Variants in BASP1 observed in about 807,000 individuals in gnomAD.
BASP1 encodes the protein brain acid soluble protein 1.
BASP1 carries 1 observed loss-of-function variant against 2.2 expected under a neutral mutation model. That is an observed-to-expected ratio of 0.46 (90% CI 0.16 to 2.17). The LOEUF (loss-of-function observed/expected upper bound fraction) is 2.17. Ranked by LOEUF, BASP1 falls within the 30% of genes most tolerant of loss-of-function variation. The pLI is 0.27. For missense variants in BASP1, 352 were observed against 327.2 expected, an observed-to-expected ratio of 1.08 and a Z score of -0.58; for synonymous variants, 187 against 154.2, an observed-to-expected ratio of 1.21 and a Z score of -1.58.
In BASP1 at chr5:17,239,905, A is replaced by G. The variant is rs566177008; in HGVS notation, c.-10+22095A>G. 2.6e-5 allele frequency among the ~76,000 whole-genome samples: 4 copies of G among 152,112 alleles called. No homozygotes were observed. In the East Asian group the frequency reaches 7.7e-4, roughly 29 times the overall value. On this transcript the variant is annotated intron_variant, in intron 1 of 1. Coordinates refer to ENST00000322611, the MANE Select transcript of BASP1 (RefSeq NM_006317.5). ...AGGTGTTGCTTCTTTTCATTTGTCT[A>G]GTTTTGTAGTCAGAACTGTTTATAG...
rs1325660341 is a variant in BASP1, at chr5:17,248,428, A to T, written c.-9-26780A>T. On this transcript the variant is annotated intron_variant, in intron 1 of 1. Coordinates refer to ENST00000322611, the MANE Select transcript of BASP1 (RefSeq NM_006317.5). ...AAATTTCCCCTGAATGTCAATACAT[A>T]TATGGTATTCATTTTATAGTGGACT... Among the ~76,000 whole-genome samples, 4 of 152,346 alleles carry T rather than the reference A, an allele frequency of 2.6e-5. No homozygotes were observed. The East Asian group carries it at 7.7e-4, about 29-fold the overall frequency.
chr5:17,266,014 A>G (rs1740409463), intron 1 of BASP1, among the ~76,000 whole-genome samples: 1 of 152,198 alleles, frequency 6.6e-6, no homozygotes, highest in Non-Finnish European at 1.5e-5. Flanking sequence ...TCAGCTCAGT[A>G]ACTCCAGTCG....
At chr5:17,217,097 TGAGTGAGA>T (rs1298502796), upstream of BASP1, 3 of 90,796 alleles carry the variant, frequency 3.3e-5, no homozygotes, top group African/African-American at 5.6e-5. Flanking sequence ...AGAGAGAGAG[TGAGTGAGA>T]GAGTGAGAGA....
At chr5:17,252,765 T>C (rs1002455689) in intron 1 of BASP1, among the ~76,000 whole-genome samples, 1 of 152,250 alleles carries the variant, frequency 6.6e-6, no homozygotes, top group African/African-American at 2.4e-5. Context: ...TGATTAATCT[T>C]TGCAATATCC....
intron 1 of BASP1, among the ~76,000 whole-genome samples, chr5:17,253,226 T>C (rs1279804025): frequency 6.6e-6 from 1 of 152,240 alleles, no homozygotes; most frequent in Non-Finnish European, 1.5e-5. Flanking sequence ...TATTTACTTT[T>C]TTAAGACAGG....
chr5:17,243,066 A>G (rs190970299), intron 1 of BASP1, among the ~76,000 whole-genome samples: 59 of 152,196 alleles, frequency 3.9e-4, no homozygotes, highest in Admixed American at 5.2e-4. Context: ...GAACACCTGT[A>G]GTCTGTTGCC....
chr5:17,225,281 A>G (rs1561163964), intron 1 of BASP1, among the ~76,000 whole-genome samples: 1 of 151,510 alleles, frequency 6.6e-6, no homozygotes, highest in African/African-American at 2.4e-5. Flanking sequence ...TAAAAAAAAA[A>G]CCAGTCTGGA....
At chr5:17,232,318 T>C (rs1343949095) in intron 1 of BASP1, among the ~76,000 whole-genome samples, 2 of 152,250 alleles carry the variant, frequency 1.3e-5, no homozygotes, top group Non-Finnish European at 2.9e-5. Context: ...TCAATCATTA[T>C]TGAACAACTT....
chr5:17,236,163 TTC>T lies in BASP1; in HGVS notation c.-10+18355_-10+18356del, dbSNP rs1739740612. 1.3e-5 allele frequency among the ~76,000 whole-genome samples: 2 copies of T among 152,244 alleles called. No homozygotes were observed. The highest frequency in any genetic ancestry group is 4.1e-4 in the South Asian group (2 of 4,832). ...CCCTTGCGTTTAGTCTTTAAGACTA[TTC>T]TACCTTGGGGGAGAAAAGCAAAAAT... On this transcript the variant is annotated intron_variant, in intron 1 of 1. Coordinates refer to ENST00000322611, the MANE Select transcript of BASP1 (RefSeq NM_006317.5). This position sits in a 1 kb window ranked among gnomAD's most constrained non-coding sequence, Gnocchi z 4.0.
At chr5:17,255,618 G>A (rs298584) in intron 1 of BASP1, among the ~76,000 whole-genome samples, 3,909 of 152,200 alleles carry the variant, frequency 0.026, 158 homozygotes, top group African/African-American at 0.084. Context: ...CACTCTTGAC[G>A]GTGTTACAGG....
chr5:17,244,681 C>A (rs1739941475), intron 1 of BASP1, among the ~76,000 whole-genome samples: 1 of 150,590 alleles, frequency 6.6e-6, no homozygotes, highest in Admixed American at 6.6e-5. Context: ...ATCAAAGATA[C>A]TATAATTGTA....
chr5:17,262,406 C>G (rs1358769680), intron 1 of BASP1, among the ~76,000 whole-genome samples: 1 of 152,196 alleles, frequency 6.6e-6, no homozygotes, highest in Non-Finnish European at 1.5e-5. Flanking sequence ...TGCCTGCATT[C>G]ACCTCACACC....
At chr5:17,217,884 G>C (rs897225497) in intron 1 of BASP1, 74 bp downstream of exon 1, 4 of 151,934 alleles carry the variant, frequency 2.6e-5, no homozygotes, top group African/African-American at 9.7e-5. Context: ...GCCGCGCCCC[G>C]CCCCGCAGCC....
intron 1 of BASP1, among the ~76,000 whole-genome samples, chr5:17,265,101 G>A (rs1322749773): frequency 2.0e-5 from 3 of 152,102 alleles, no homozygotes; most frequent in Non-Finnish European, 2.9e-5. Flanking sequence ...ACAGAGCAAC[G>A]TAAATGTAAA....
upstream of BASP1, chr5:17,217,071 T>TGTGTGAGAGAGAGAGAGA (rs1367601986): frequency 5.9e-5 from 6 of 102,030 alleles, no homozygotes; most frequent in African/African-American, 2.6e-4. Flanking sequence ...AGAGAGAGAG[T>TGTGTGAGAGAGAGAGAGA]GAGAGAGAGA....
At chr5:17,274,946 C>G (rs1057274152) in intron 1 of BASP1, among the ~76,000 whole-genome samples, 1 of 152,118 alleles carries the variant, frequency 6.6e-6, no homozygotes, top group Admixed American at 6.6e-5. Flanking sequence ...GGAGGATCCC[C>G]TGAGCCCAGG....
upstream of BASP1, chr5:17,216,938 G>C (rs1739246602): frequency 6.6e-6 from 1 of 152,574 alleles, no homozygotes. The surrounding 1 kb of genome is among the most constrained non-coding windows in gnomAD (Gnocchi z 6.4). Flanking sequence ...GGCTGGACTG[G>C]GGTCTGAGAA....
At position 17,275,574 on chromosome 5, in the gene BASP1, C is replaced by T. The variant is rs534999821; in HGVS notation, c.358C>T (p.Pro120Ser). ...CGGCCCCGCTGCGGGCGGCGAGGCC[C>T]CCAAAGCTGCTGAGGCCGCCGCGGC... Reference protein sequence around the residue: ...APGPAAGGEAPKAAEAAAAPA... With the variant: ...APGPAAGGEASKAAEAAAAPA... The change falls in exon 2 of 2, where the codon CCC becomes TCC. Residue 120 changes from proline to serine, a missense_variant. Coordinates refer to ENST00000322611, the MANE Select transcript of BASP1 (RefSeq NM_006317.5). This position sits in a 1 kb window ranked among gnomAD's most constrained non-coding sequence, Gnocchi z 5.3. The T allele has an allele frequency of 2.4e-4, 341 of 1,408,394 alleles. 2 individuals are homozygous for T. In the African/African-American group the frequency reaches 4.9e-3, roughly 20 times the overall value. The allele number at this position is 1,408,394 out of a possible 1,614,324, so 87.2% of individuals were successfully genotyped here. A position where few individuals can be genotyped will look rare whatever the true frequency, so the allele number is the denominator to read the frequency against.
chr5:17,268,856 TG>T (rs1740478714), intron 1 of BASP1, among the ~76,000 whole-genome samples: 2 of 152,328 alleles, frequency 1.3e-5, no homozygotes, highest in South Asian at 4.1e-4. Context: ...TTTTTCTTTT[TG>T]GGGGGTTTGC....
Sources: allele counts gnomAD v4.1 joint callset (sites outside exome capture counted in the v4.1 genomes callset), GRCh38; gene constraint gnomAD v4.1.1; non-coding constraint Gnocchi (gnomAD v3.1); transcripts MANE v1.5; gene names NCBI Gene and HGNC (gene_info 2026-07-23, HGNC 2026-07-21).